ADAM19: variants seen among roughly 807,000 people sequenced by gnomAD.
ADAM19 encodes ADAM metallopeptidase domain 19, also known as disintegrin and metalloproteinase domain-containing protein 19.
ADAM19 carries 65 observed loss-of-function variants against 114.7 expected under a neutral mutation model. The observed-to-expected ratio is 0.57, with a 90% CI of 0.46 to 0.70. The LOEUF (loss-of-function observed/expected upper bound fraction) is 0.70. ADAM19 is among the 30% of genes least tolerant of loss of function. The pLI, the probability that ADAM19 is intolerant of heterozygous loss-of-function variation, is 0.00. For synonymous variants in ADAM19, 466 were observed against 460.5 expected, an observed-to-expected ratio of 1.01 and a Z score of -0.15; for missense variants, 1,063 against 1,204.7, an observed-to-expected ratio of 0.88 and a Z score of 1.74.
At chr5:157,543,217 A>G (rs918850479) in intron 3 of ADAM19, among the ~76,000 whole-genome samples, 7 of 152,210 alleles carry the variant, frequency 4.6e-5, no homozygotes, top group Non-Finnish European at 1.0e-4. Context: ...CATTAATTAG[A>G]TAAATAAAAC....
chr5:157,513,767 C>T (rs562437433), intron 7 of ADAM19, among the ~76,000 whole-genome samples: 9 of 152,206 alleles, frequency 5.9e-5, no homozygotes, highest in Non-Finnish European at 1.2e-4. Flanking sequence ...AATTGCCTTC[C>T]TCTAACCCTT....
intron 3 of ADAM19, among the ~76,000 whole-genome samples, chr5:157,541,162 A>G (rs757328225): frequency 1.4e-4 from 22 of 152,072 alleles, no homozygotes; most frequent in Non-Finnish European, 3.2e-4. Context: ...AGCCCGGCCC[A>G]GCCCAGCTGC....
chr5:157,503,570 T>G (rs973809004), intron 11 of ADAM19, among the ~76,000 whole-genome samples: 2 of 152,188 alleles, frequency 1.3e-5, no homozygotes, highest in African/African-American at 4.8e-5. Context: ...TTAGTCGGCA[T>G]GCAGAAAGCA....
chr5:157,482,341 C>T (rs1220201345), intron 21 of ADAM19, among the ~76,000 whole-genome samples: 1 of 152,166 alleles, frequency 6.6e-6, no homozygotes, highest in Admixed American at 6.5e-5. Flanking sequence ...AATCTTCTCC[C>T]ATTCTGTAGG....
chr5:157,480,315 C>T lies in ADAM19; in HGVS notation c.*634G>A. On this transcript the variant is annotated 3_prime_UTR_variant, in exon 23 of 23. Transcript: ENST00000257527. ...GCCTACGAATAGTACCTGTCTGAGT[C>T]AGAGTGACCCGTGTGAATACAGGGA... 3 of 986,376 alleles carry T rather than the reference C, an allele frequency of 3.0e-6. No homozygotes were observed. The highest frequency in any genetic ancestry group is 3.6e-6 in the Non-Finnish European group (3 of 830,548). The allele number at this position is 986,376 out of a possible 1,614,324, so 61.1% of individuals were successfully genotyped here.
chr5:157,505,700 C>T lies in ADAM19; in HGVS notation c.1099G>A (p.Asp367Asn). Reference sequence around the variant, plus strand: ...GCAGCTGCCATGATGCACCCACCATCAGCCGCACTGGCCGAGCAGCAATCT... The same window carrying T: ...GCAGCTGCCATGATGCACCCACCATTAGCCGCACTGGCCGAGCAGCAATCT... ...SADCCSASAA[D>N]GGCIMAAATG... is the part of the protein sequence containing the mutation. The change falls in exon 11 of 23, where the codon GAT becomes AAT. Residue 367 changes from aspartate (D) to asparagine (N), a missense_variant. By Grantham distance (23) the Asp-to-Asn change is conservative (BLOSUM62 1). Around this residue, in one of 3 missense-constraint regions of ADAM19, gnomAD observed 615 missense variants for 706.3 expected, o/e 0.87. Coordinates refer to ENST00000257527, the MANE Select transcript of ADAM19 (RefSeq NM_033274.5). 1 of 1,614,164 alleles carries T rather than the reference C, an allele frequency of 6.2e-7. No homozygotes were observed.
At position 157,570,996 on chromosome 5, in the gene ADAM19, G is replaced by A. The variant is rs778537121; in HGVS notation, c.95-16C>T. On this transcript the variant is annotated splice_polypyrimidine_tract_variant and intron_variant, in intron 1 of 22. Coordinates refer to ENST00000257527, the MANE Select transcript of ADAM19 (RefSeq NM_033274.5). ...TCACTTCCTCCTGCCAATACAAGAT[G>A]CAAAACCATTGGAATCCCAGACCTC... 130 of 1,612,386 alleles carry A rather than the reference G, an allele frequency of 8.1e-5. No individual in the cohort carries two copies. Among genetic ancestry groups the A allele is most frequent in the South Asian group, 5.5e-4 (50 of 91,016 alleles).
At chr5:157,513,351 C>A in intron 8 of ADAM19, 83 bp downstream of exon 8, 1 of 1,397,658 alleles carries the variant, frequency 7.2e-7, no homozygotes, top group Non-Finnish European at 1.0e-6. Context: ...GCTGGGGCAG[C>A]CAATCCAGCA....
chr5:157,561,510 C>A (rs1757508080), intron 3 of ADAM19, among the ~76,000 whole-genome samples: 1 of 152,172 alleles, frequency 6.6e-6, no homozygotes, highest in Non-Finnish European at 1.5e-5. Flanking sequence ...TCCTGGGAGA[C>A]CTGAGAATCC....
intron 1 of ADAM19, among the ~76,000 whole-genome samples, chr5:157,574,544 GCCCACCC>G (rs1757919469): frequency 6.6e-6 from 1 of 152,164 alleles, no homozygotes; most frequent in African/African-American, 2.4e-5. Flanking sequence ...GGTCCAGCCA[GCCCACCC>G]TCGCTCCGCC....
At chr5:157,574,679 A>C (rs912528822) in intron 1 of ADAM19, among the ~76,000 whole-genome samples, 2 of 152,112 alleles carry the variant, frequency 1.3e-5, no homozygotes, top group Non-Finnish European at 2.9e-5. Context: ...ATAATGAGAG[A>C]ACCCGGGCAC....
intron 13 of ADAM19, among the ~76,000 whole-genome samples, chr5:157,498,199 C>T (rs1434796244): frequency 6.1e-5 from 8 of 131,596 alleles, no homozygotes; most frequent in African/African-American, 2.5e-4. Context: ...ACAGGCTTCT[C>T]CACCGGCCAC....
intron 3 of ADAM19, among the ~76,000 whole-genome samples, chr5:157,563,725 C>A (rs1479397975): frequency 6.6e-6 from 1 of 152,162 alleles, no homozygotes; most frequent in Non-Finnish European, 1.5e-5. Context: ...ACAGACATAG[C>A]CATGCATCGT....
At chr5:157,556,194 T>G (rs76847782) in intron 3 of ADAM19, among the ~76,000 whole-genome samples, 1 of 131,390 alleles carries the variant, frequency 7.6e-6, no homozygotes, top group African/African-American at 2.8e-5. Context: ...TTATAACCTG[T>G]TTTTTTTTCT....
intron 11 of ADAM19, among the ~76,000 whole-genome samples, chr5:157,505,326 G>T (rs1047102142): frequency 1.3e-5 from 2 of 152,060 alleles, no homozygotes; most frequent in Non-Finnish European, 2.9e-5. Flanking sequence ...TCTTGGGATA[G>T]AAGAATTAAG....
chr5:157,532,799 G>A (rs950170009), intron 4 of ADAM19, among the ~76,000 whole-genome samples: 2 of 152,160 alleles, frequency 1.3e-5, no homozygotes, highest in African/African-American at 4.8e-5. Flanking sequence ...CTCTAATCCT[G>A]AGTATAGACA....
intron 3 of ADAM19, among the ~76,000 whole-genome samples, chr5:157,546,565 T>A (rs887491128): frequency 4.6e-5 from 7 of 152,196 alleles, no homozygotes; most frequent in African/African-American, 1.4e-4. Flanking sequence ...AGATCACTCT[T>A]TTCCCCAGCA....
intron 21 of ADAM19, among the ~76,000 whole-genome samples, chr5:157,486,986 G>A (rs1268142866): frequency 6.6e-6 from 1 of 152,126 alleles, no homozygotes; most frequent in Non-Finnish European, 1.5e-5. Context: ...AAGGCCTCGT[G>A]AGAACACAGC....
At chr5:157,511,011 T>C (rs185335277) in intron 8 of ADAM19, among the ~76,000 whole-genome samples, 1 of 152,350 alleles carries the variant, frequency 6.6e-6, no homozygotes, top group African/African-American at 2.4e-5. Context: ...TGAAATTCTA[T>C]ACCCAAGATC....
Sources: allele counts gnomAD v4.1 joint callset (sites outside exome capture counted in the v4.1 genomes callset), GRCh38; gene constraint gnomAD v4.1.1; regional missense constraint gnomAD v4.1.1; transcripts MANE v1.5; gene names NCBI Gene and HGNC (gene_info 2026-07-23, HGNC 2026-07-21).